The following RBFOX1 variants were observed in gnomAD, a reference collection of about 807,000 sequenced individuals.
RBFOX1 encodes RNA binding protein fox-1 homolog 1.
A neutral mutation model predicts 57.7 loss-of-function variants in RBFOX1; 8 were observed. The ratio of observed to expected loss-of-function variants is 0.14; its 90% CI spans 0.08 to 0.25. The LOEUF (loss-of-function observed/expected upper bound fraction) is 0.25, where lower values mean the gene tolerates loss of function less well. Ranked by LOEUF, RBFOX1 falls within the 10% of genes least tolerant of loss-of-function variation. The probability of loss-of-function intolerance (pLI) is 1.00; values close to 1 mark genes in which losing one functional copy is unlikely to be tolerated. For missense variants in RBFOX1, 611 were observed against 548.5 expected (o/e 1.11, Z -1.14); for synonymous variants, 326 against 222.4 (o/e 1.47, Z -4.15).
intron 4 of RBFOX1, among the ~76,000 whole-genome samples, chr16:7,216,588 G>A (rs1400783205): frequency 1.3e-5 from 2 of 152,076 alleles, no homozygotes; most frequent in East Asian, 1.9e-4. Flanking sequence ...AACCTGGGAG[G>A]TAGAGGTTGC....
At chr16:5,403,747 A>G (rs540521930) in intron 1 of RBFOX1, among the ~76,000 whole-genome samples, 5 of 152,272 alleles carry the variant, frequency 3.3e-5, no homozygotes, top group South Asian at 2.1e-4. Context: ...CACCCAGCCA[A>G]TGCTCTGATG....
chr16:6,074,365 A>G (rs577061335), intron 1 of RBFOX1, among the ~76,000 whole-genome samples: 3 of 152,116 alleles, frequency 2.0e-5, no homozygotes, highest in Non-Finnish European at 2.9e-5. Flanking sequence ...TCACCCCCTT[A>G]TAGCTCTGCA....
At chr16:6,757,781 C>G (rs2076032298) in intron 3 of RBFOX1, among the ~76,000 whole-genome samples, 2 of 152,026 alleles carry the variant, frequency 1.3e-5, no homozygotes, top group Admixed American at 1.3e-4. Flanking sequence ...TTCAAAGTAA[C>G]TAGAAGAAAA....
chr16:6,657,334 A>C (rs1189087187), intron 3 of RBFOX1, among the ~76,000 whole-genome samples: 1 of 152,090 alleles, frequency 6.6e-6, no homozygotes, highest in Non-Finnish European at 1.5e-5. Flanking sequence ...GTGAGGTTTT[A>C]GGAGCTTGCT....
chr16:6,490,322 C>T (rs1567415530), intron 2 of RBFOX1, among the ~76,000 whole-genome samples: 1 of 152,086 alleles, frequency 6.6e-6, no homozygotes, highest in East Asian at 1.9e-4. Context: ...AAGTAGAGAG[C>T]GTCAATGAAC....
intron 1 of RBFOX1, among the ~76,000 whole-genome samples, chr16:5,385,141 G>A (rs1567426836): frequency 6.6e-6 from 1 of 152,134 alleles, no homozygotes; most frequent in Non-Finnish European, 1.5e-5. Context: ...GCTTACCAGG[G>A]GCCAGGCACT....
At chr16:5,932,548 T>G (rs1218071870) in intron 4 of RBFOX1, among the ~76,000 whole-genome samples, 2 of 152,054 alleles carry the variant, frequency 1.3e-5, no homozygotes, top group Non-Finnish European at 2.9e-5. Flanking sequence ...AATGAGTGAG[T>G]GTTGTTTTGA....
At chr16:5,589,770 C>T (rs774435892) in intron 2 of RBFOX1, among the ~76,000 whole-genome samples, 19 of 152,158 alleles carry the variant, frequency 1.2e-4, no homozygotes, top group African/African-American at 4.1e-4. Context: ...GTCACTTTCC[C>T]AGGACTCACA....
intron 4 of RBFOX1, among the ~76,000 whole-genome samples, chr16:7,460,062 G>C (rs2150488630): frequency 6.6e-6 from 1 of 151,980 alleles, no homozygotes; most frequent in Admixed American, 6.6e-5. Context: ...GCAGACTTAG[G>C]GTTAGATAAT....
chr16:6,691,009 A>C (rs903214405), intron 3 of RBFOX1, among the ~76,000 whole-genome samples: 1 of 152,170 alleles, frequency 6.6e-6, no homozygotes, highest in African/African-American at 2.4e-5. Context: ...AACAAGTACC[A>C]GCGCTTGCAG....
rs1241788908 is a variant in RBFOX1, at chr16:6,209,073, T to G, written c.-126-107922T>G. On this transcript the variant is annotated intron_variant, in intron 1 of 15. Coordinates refer to ENST00000550418, the MANE Select transcript of RBFOX1 (RefSeq NM_018723.4). ...TGTTATAAAATTGGAAACTTTGCAC[T>G]GTTTTGAGAAGAGGAGAGGACAACA... Among the ~76,000 whole-genome samples the G allele has an allele frequency of 7.2e-5, 11 of 152,296 alleles. No individual in the cohort carries two copies. In the East Asian group the frequency reaches 2.1e-3, roughly 29 times the overall value.
chr16:5,283,038 C>G (rs1281964809), intron 1 of RBFOX1, among the ~76,000 whole-genome samples: 1 of 152,136 alleles, frequency 6.6e-6, no homozygotes, highest in Non-Finnish European at 1.5e-5. Flanking sequence ...TGCCTGAGTC[C>G]TAGCCACTCC....
chr16:6,314,215 G>T (rs1477797569), intron 1 of RBFOX1, among the ~76,000 whole-genome samples: 1 of 152,186 alleles, frequency 6.6e-6, no homozygotes, highest in African/African-American at 2.4e-5. Context: ...GGGCAAGGAA[G>T]AATCACTTGT....
chr16:6,441,355 C>A (rs936765550), intron 2 of RBFOX1, among the ~76,000 whole-genome samples: 3 of 152,152 alleles, frequency 2.0e-5, no homozygotes, highest in Admixed American at 1.3e-4. Context: ...CTGCTAGATT[C>A]TTTCTCTCTG....
intron 4 of RBFOX1, among the ~76,000 whole-genome samples, chr16:5,992,055 G>C (rs2060409426): frequency 6.6e-6 from 1 of 152,120 alleles, no homozygotes; most frequent in Non-Finnish European, 1.5e-5. Flanking sequence ...TATGGGCTGA[G>C]CTTTAATGTA....
At chr16:6,929,112 A>G (rs1043134998) in intron 3 of RBFOX1, among the ~76,000 whole-genome samples, 2 of 152,154 alleles carry the variant, frequency 1.3e-5, no homozygotes, top group African/African-American at 4.8e-5. Context: ...ACAGGCCCAC[A>G]TTGCAACTCT....
At chr16:5,845,245 T>C (rs1226010059) in intron 3 of RBFOX1, among the ~76,000 whole-genome samples, 2 of 152,084 alleles carry the variant, frequency 1.3e-5, no homozygotes, top group Non-Finnish European at 2.9e-5. Flanking sequence ...CAGCCAGCAC[T>C]TCAAAGTTTA....
At chr16:5,291,083 G>T (rs997044750) in intron 1 of RBFOX1, among the ~76,000 whole-genome samples, 1 of 152,202 alleles carries the variant, frequency 6.6e-6, no homozygotes, top group Non-Finnish European at 1.5e-5. Context: ...TGGAGAAAGA[G>T]AGGGGCTAGG....
intron 3 of RBFOX1, among the ~76,000 whole-genome samples, chr16:5,839,760 T>C (rs962840893): frequency 6.6e-6 from 1 of 152,196 alleles, no homozygotes; most frequent in Non-Finnish European, 1.5e-5. Context: ...CCTCCCACTG[T>C]GTTTCAAGGC....
Sources: allele counts gnomAD v4.1 joint callset (sites outside exome capture counted in the v4.1 genomes callset), GRCh38; gene constraint gnomAD v4.1.1; transcripts MANE v1.5; gene names NCBI Gene and HGNC (gene_info 2026-07-23, HGNC 2026-07-21).